Variants in EYA1 observed in about 807,000 individuals in gnomAD.
EYA1 encodes protein phosphatase EYA1.
A neutral mutation model predicts 82.0 loss-of-function variants in EYA1; 16 were observed. That is an observed-to-expected ratio of 0.20 (90% CI 0.13 to 0.30). The LOEUF (loss-of-function observed/expected upper bound fraction) is 0.30. Among genes scored for constraint, EYA1 ranks in the 10% least tolerant of loss-of-function variants. The pLI, the probability that EYA1 is intolerant of heterozygous loss-of-function variation, is 1.00. For missense variants in EYA1, 633 were observed against 730.7 expected, an observed-to-expected ratio of 0.87 and a Z score of 1.54; for synonymous variants, 261 against 264.4, an observed-to-expected ratio of 0.99 and a Z score of 0.12.
intron 2 of EYA1, among the ~76,000 whole-genome samples, chr8:71,406,843 C>G (rs372393025): frequency 7.4e-6 from 1 of 134,398 alleles, no homozygotes; most frequent in Non-Finnish European, 1.6e-5. Context: ...ACAAAGCAGC[C>G]GGGAAGCTCG....
At chr8:71,464,253 C>G (rs1586769650) in intron 2 of EYA1, among the ~76,000 whole-genome samples, 1 of 152,166 alleles carries the variant, frequency 6.6e-6, no homozygotes, top group Non-Finnish European at 1.5e-5. Context: ...AAGTTTCACA[C>G]CAATCTTTGT....
chr8:71,346,656 G>A (rs182461133), intron 3 of EYA1, among the ~76,000 whole-genome samples: 120 of 151,970 alleles, frequency 7.9e-4, no homozygotes, highest in Admixed American at 1.4e-3. Flanking sequence ...TATTTATGAA[G>A]CAGTTATTTA....
intron 1 of EYA1, among the ~76,000 whole-genome samples, chr8:71,539,367 A>G (rs1485921821): frequency 6.6e-6 from 1 of 152,148 alleles, no homozygotes; most frequent in Non-Finnish European, 1.5e-5. Flanking sequence ...TTCCAAGGCC[A>G]CCACAACACA....
intron 12 of EYA1, among the ~76,000 whole-genome samples, chr8:71,233,357 G>A (rs1435371335): frequency 6.6e-6 from 1 of 152,022 alleles, no homozygotes; most frequent in East Asian, 1.9e-4. Context: ...GAGGTCAGGA[G>A]ATCGAGACCA....
At chr8:71,482,500 C>T (rs1810241140) in intron 2 of EYA1, among the ~76,000 whole-genome samples, 1 of 152,124 alleles carries the variant, frequency 6.6e-6, no homozygotes, top group East Asian at 1.9e-4. Context: ...GAAGTTAGAC[C>T]TATGTTTATC....
At chr8:71,470,423 A>G (rs1241850611) in intron 2 of EYA1, among the ~76,000 whole-genome samples, 2 of 152,108 alleles carry the variant, frequency 1.3e-5, no homozygotes, top group Admixed American at 6.6e-5. Context: ...TTTCACAAGA[A>G]AAAGGGAACC....
chr8:71,538,559 C>A (rs1814896792), intron 1 of EYA1, among the ~76,000 whole-genome samples: 1 of 152,158 alleles, frequency 6.6e-6, no homozygotes, highest in Non-Finnish European at 1.5e-5. Flanking sequence ...AAACTGGTGA[C>A]TTGATGTTTA....
At chr8:71,206,824 C>T (rs752546248) in intron 17 of EYA1, among the ~76,000 whole-genome samples, 6 of 152,092 alleles carry the variant, frequency 3.9e-5, no homozygotes, top group Non-Finnish European at 7.4e-5. Context: ...GGCATGAGTT[C>T]GGCTAACTGC....
At position 71,507,549 on chromosome 8, in the gene EYA1, A is replaced by T. The variant is rs114362871; in HGVS notation, c.33+28195T>A. Among the ~76,000 whole-genome samples, 721 of 152,368 alleles carry T rather than the reference A, an allele frequency of 4.7e-3. 6 individuals carry two copies. Among genetic ancestry groups the T allele is most frequent in the African/African-American group, 0.016 (678 of 41,592 alleles). ...ATTCATCCCACACATGTAATTGTAC[A>T]CATGCAAGATTATATATTTCTGAGG... On this transcript the variant is annotated intron_variant, in intron 2 of 18. Coordinates refer to the EYA1 transcript ENST00000643681.
At chr8:71,502,744 C>G (rs1811898877) in intron 2 of EYA1, among the ~76,000 whole-genome samples, 1 of 152,132 alleles carries the variant, frequency 6.6e-6, no homozygotes, top group Admixed American at 6.5e-5. Flanking sequence ...CAAACAGGCA[C>G]CCAGTAACAG....
At chr8:71,535,636 G>T in intron 2 of EYA1, 1 of 754,514 alleles carries the variant, frequency 1.3e-6, no homozygotes, top group Non-Finnish European at 2.1e-6. Flanking sequence ...TTGGTACATT[G>T]GTACAGAGCT....
intron 2 of EYA1, among the ~76,000 whole-genome samples, chr8:71,418,324 A>G (rs1830963147): frequency 1.3e-5 from 2 of 152,328 alleles, no homozygotes; most frequent in Admixed American, 1.3e-4. Flanking sequence ...AAAAATGAGA[A>G]GATGTATCAT....
chr8:71,199,590 C>T (rs1304971411), intron 17 of EYA1, among the ~76,000 whole-genome samples, 170 bp from the exon 18 acceptor site: 4 of 152,216 alleles, frequency 2.6e-5, no homozygotes, highest in African/African-American at 4.8e-5. Flanking sequence ...CAATCCTCCC[C>T]TAAGAATACT....
intron 9 of EYA1, among the ~76,000 whole-genome samples, chr8:71,297,793 A>T (rs1819752900): frequency 6.6e-6 from 1 of 152,228 alleles, no homozygotes; most frequent in African/African-American, 2.4e-5. Flanking sequence ...GAAGAGAGAG[A>T]TATGTATACT....
At chr8:71,470,776 C>T (rs1261428714) in intron 2 of EYA1, 1 of 435,704 alleles carries the variant, frequency 2.3e-6, no homozygotes. Context: ...AGACTTAACA[C>T]TGTGTGGCTA....
chr8:71,261,872 A>AGAGT (rs1815155342), intron 11 of EYA1, among the ~76,000 whole-genome samples: 1 of 152,212 alleles, frequency 6.6e-6, no homozygotes, highest in South Asian at 2.1e-4. Flanking sequence ...TCCTTCCTAC[A>AGAGT]GAGTGTTCCA....
At chr8:71,507,001 T>C (rs1035476268) in intron 2 of EYA1, among the ~76,000 whole-genome samples, 1 of 151,710 alleles carries the variant, frequency 6.6e-6, no homozygotes, top group Non-Finnish European at 1.5e-5. Flanking sequence ...GACTGGGAAA[T>C]AACCGAAATT....
intron 11 of EYA1, 90 bp from the exon 12 acceptor site, chr8:71,244,782 A>G (rs529145800): frequency 3.9e-6 from 3 of 774,786 alleles, no homozygotes; most frequent in South Asian, 3.1e-5. Context: ...GCATTGGGAG[A>G]GGCTGAAAGC....
intron 5 of EYA1, 62 bp downstream of exon 5, chr8:71,322,137 T>C: frequency 8.6e-6 from 12 of 1,402,498 alleles, no homozygotes; most frequent in Non-Finnish European, 1.2e-5. Context: ...CAGACATGAC[T>C]TTAAATAAAT....
Sources: gnomAD v4.1 joint callset for allele counts (sites outside exome capture counted in the v4.1 genomes callset) on GRCh38, gnomAD v4.1.1 for gene constraint, MANE v1.5 for transcripts, NCBI Gene and HGNC (gene_info 2026-07-23, HGNC 2026-07-21) for gene names.